Variants in BMP5 observed in about 807,000 individuals in gnomAD.
BMP5 encodes the protein bone morphogenetic protein 5.
BMP5 carries 23 observed loss-of-function variants against 46.6 expected under a neutral mutation model. That is an observed-to-expected ratio of 0.49 (90% confidence interval 0.35 to 0.70). The LOEUF (loss-of-function observed/expected upper bound fraction) is 0.70, where lower values mean the gene tolerates loss of function less well. BMP5 is among the 30% of genes least tolerant of loss of function. The pLI is 0.00. For synonymous variants in BMP5, 204 were observed against 191.9 expected, an observed-to-expected ratio of 1.06 and a Z score of -0.52; for missense variants, 545 against 565.6, an observed-to-expected ratio of 0.96 and a Z score of 0.37.
At chr6:55,757,768 C>T (rs1274383866) in intron 6 of BMP5, among the ~76,000 whole-genome samples, 3 of 151,854 alleles carry the variant, frequency 2.0e-5, no homozygotes, top group Non-Finnish European at 4.4e-5. Flanking sequence ...TGTATATTTG[C>T]TTTATCTTTC....
chr6:55,796,168 A>G (rs985944143), intron 2 of BMP5, among the ~76,000 whole-genome samples: 5 of 152,208 alleles, frequency 3.3e-5, no homozygotes, highest in African/African-American at 9.7e-5. Context: ...CACTGATTTC[A>G]GGTCTGCTTT....
chr6:55,763,765 T>C (rs996680312), intron 4 of BMP5, among the ~76,000 whole-genome samples: 2 of 152,190 alleles, frequency 1.3e-5, no homozygotes, highest in East Asian at 1.9e-4. Context: ...AATATTTCTC[T>C]GTTTTGTCTC....
At chr6:55,840,896 C>A (rs1353880345) in intron 1 of BMP5, among the ~76,000 whole-genome samples, 1 of 152,172 alleles carries the variant, frequency 6.6e-6, no homozygotes, top group Non-Finnish European at 1.5e-5. Context: ...GAAAAGGGGT[C>A]TCCAACCCCC....
rs115005564 is a variant in BMP5, at chr6:55,833,106, A to T, written c.491-13259T>A. ...ACTCCAGCCTGTGCGACAGAGCAAG[A>T]TCCTGTCTCTAAGAAATAAAAAATA... is the stretch of plus-strand genomic sequence containing the variant. On this transcript the variant is annotated intron_variant, in intron 1 of 6. Transcript: ENST00000370830. Among the ~76,000 whole-genome samples the T allele has an allele frequency of 3.7e-3, 559 of 152,262 alleles. 1 individual carries two copies. The highest frequency in any genetic ancestry group is 6.3e-3 in the Non-Finnish European group (431 of 68,012).
intron 4 of BMP5, chr6:55,772,906 G>C (rs1408946564): frequency 1.0e-6 from 1 of 984,902 alleles, no homozygotes; most frequent in Non-Finnish European, 1.2e-6. Flanking sequence ...GTTTTATGGA[G>C]CGTCTCTGAG....
intron 4 of BMP5, among the ~76,000 whole-genome samples, chr6:55,767,730 C>T (rs950942104): frequency 1.3e-5 from 2 of 151,958 alleles, no homozygotes; most frequent in Admixed American, 6.6e-5. Context: ...AATATTCTCA[C>T]TTGTGCAGCA....
At chr6:55,847,536 G>A (rs1485572770) in intron 1 of BMP5, among the ~76,000 whole-genome samples, 1 of 151,842 alleles carries the variant, frequency 6.6e-6, no homozygotes, top group Non-Finnish European at 1.5e-5. Context: ...TATCAAAACT[G>A]AAAATGATGC....
At chr6:55,803,154 G>T in intron 2 of BMP5, among the ~76,000 whole-genome samples, 1 of 133,692 alleles carries the variant, frequency 7.5e-6, no homozygotes, top group South Asian at 2.9e-4. Flanking sequence ...GGGTGGGGGG[G>T]TGGGGGGGGC....
At chr6:55,820,942 C>T (rs1776397414) in intron 1 of BMP5, among the ~76,000 whole-genome samples, 1 of 152,030 alleles carries the variant, frequency 6.6e-6, no homozygotes, top group Non-Finnish European at 1.5e-5. Context: ...CAGTAAGTAT[C>T]AGACATATTA....
Position 55,819,440 on chromosome 6 carries a change from C to T in BMP5, c.683+215G>A, listed in dbSNP as rs549687671. ...TAGAAGCATGAGACTATTTAGTATACGAATTGGTGTCAGGAGTAGGGAGCA... is the reference window on the plus strand; with the variant it reads ...TAGAAGCATGAGACTATTTAGTATATGAATTGGTGTCAGGAGTAGGGAGCA... On this transcript the variant is annotated intron_variant, in intron 2 of 6. Coordinates refer to ENST00000370830, the MANE Select transcript of BMP5 (RefSeq NM_021073.4). Among the ~76,000 whole-genome samples, 11 of 152,186 alleles carry T rather than the reference C, an allele frequency of 7.2e-5. 1 individual carries two copies. The South Asian group carries it at 1.0e-3, about 14-fold the overall frequency.
At chr6:55,791,370 A>G (rs551050760) in intron 3 of BMP5, among the ~76,000 whole-genome samples, 1 of 152,346 alleles carries the variant, frequency 6.6e-6, no homozygotes, top group African/African-American at 2.4e-5. Context: ...AAAGCCAGCT[A>G]GCCTAGCATG....
intron 3 of BMP5, among the ~76,000 whole-genome samples, chr6:55,780,127 T>C (rs1312284890): frequency 6.6e-6 from 1 of 151,886 alleles, no homozygotes; most frequent in East Asian, 1.9e-4. Context: ...TTGATAATTA[T>C]ATATTATTGG....
intron 1 of BMP5, among the ~76,000 whole-genome samples, chr6:55,846,822 A>T (rs1050001981): frequency 6.6e-6 from 1 of 151,002 alleles, no homozygotes; most frequent in Non-Finnish European, 1.5e-5. Context: ...TATATATTCA[A>T]ATATATAATA....
chr6:55,772,911 T>C (rs1429088690), intron 4 of BMP5: 1 of 984,978 alleles, frequency 1.0e-6, no homozygotes, highest in African/African-American at 1.7e-5. Flanking sequence ...ATGGAGCGTC[T>C]CTGAGCAAAT....
At chr6:55,761,383 T>C (rs965103862) in intron 4 of BMP5, among the ~76,000 whole-genome samples, 3 of 152,040 alleles carry the variant, frequency 2.0e-5, no homozygotes, top group South Asian at 2.1e-4. Flanking sequence ...TCCCTGCCAG[T>C]CCCTCTATGG....
intron 1 of BMP5, among the ~76,000 whole-genome samples, chr6:55,825,043 A>G (rs1037386025): frequency 1.3e-5 from 2 of 152,062 alleles, no homozygotes; most frequent in South Asian, 2.1e-4. Flanking sequence ...AAATAAGTCC[A>G]TCAACATAGG....
intron 1 of BMP5, among the ~76,000 whole-genome samples, chr6:55,835,456 C>A (rs1776770624): frequency 6.6e-6 from 1 of 152,326 alleles, no homozygotes. Context: ...GCATTACATA[C>A]TAACTTGCAA....
At chr6:55,770,973 TATA>T (rs1222211656) in intron 4 of BMP5, among the ~76,000 whole-genome samples, 27 of 151,808 alleles carry the variant, frequency 1.8e-4, no homozygotes, top group Admixed American at 5.9e-4. Context: ...CCATAACAAA[TATA>T]ATAATAACAG....
At chr6:55,770,617 A>C (rs1775025728) in intron 4 of BMP5, among the ~76,000 whole-genome samples, 1 of 151,962 alleles carries the variant, frequency 6.6e-6, no homozygotes, top group Non-Finnish European at 1.5e-5. Context: ...TCACAACTTG[A>C]CAACTGTTTG....
Sources: allele counts gnomAD v4.1 joint callset (sites outside exome capture counted in the v4.1 genomes callset), GRCh38; gene constraint gnomAD v4.1.1; transcripts MANE v1.5; gene names NCBI Gene and HGNC (gene_info 2026-07-23, HGNC 2026-07-21).